The following PRKD1 variants were observed in gnomAD, a reference collection of about 807,000 sequenced individuals.
PRKD1 encodes protein kinase D1, also known as serine/threonine-protein kinase D1.
In PRKD1, 63 loss-of-function variants were observed where a neutral mutation model predicts 95.9. That is an observed-to-expected ratio of 0.66 (90% CI 0.54 to 0.81). The LOEUF (loss-of-function observed/expected upper bound fraction) is 0.81, where lower values mean the gene tolerates loss of function less well. PRKD1 is among the 30% of genes least tolerant of loss of function. The probability of loss-of-function intolerance (pLI) is 0.00; values close to 1 mark genes in which losing one functional copy is unlikely to be tolerated. For missense variants in PRKD1, 1,048 were observed against 1,165.3 expected, an observed-to-expected ratio of 0.90 and a Z score of 1.47; for synonymous variants, 425 against 423.1, an observed-to-expected ratio of 1.00 and a Z score of -0.05.
At chr14:29,736,884 A>T (rs1193140952) in intron 1 of PRKD1, among the ~76,000 whole-genome samples, 1 of 152,158 alleles carries the variant, frequency 6.6e-6, no homozygotes, top group African/African-American at 2.4e-5. Context: ...CTGAAATGTG[A>T]CCTGGCCAAC....
intron 1 of PRKD1, among the ~76,000 whole-genome samples, chr14:29,748,695 T>C (rs917654840): frequency 3.3e-5 from 5 of 152,178 alleles, no homozygotes; most frequent in Admixed American, 1.3e-4. Context: ...ACCTAGGACA[T>C]GCCAAGCACA....
At chr14:29,891,765 A>C (rs753360045) in intron 1 of PRKD1, among the ~76,000 whole-genome samples, 36 of 152,272 alleles carry the variant, frequency 2.4e-4, no homozygotes, top group Middle Eastern at 3.4e-3. Context: ...CTCACAGAAA[A>C]TATACGCTGC....
At chr14:29,616,354 G>A (rs541446077) in intron 13 of PRKD1, among the ~76,000 whole-genome samples, 1 of 150,968 alleles carries the variant, frequency 6.6e-6, no homozygotes, top group Non-Finnish European at 1.5e-5. Flanking sequence ...AAGAGGAGCA[G>A]AGCACAAATT....
At chr14:29,665,195 TA>T (rs1427652600) in intron 3 of PRKD1, among the ~76,000 whole-genome samples, 4 of 152,192 alleles carry the variant, frequency 2.6e-5, no homozygotes, top group Admixed American at 6.5e-5. Flanking sequence ...GGGCACAACA[TA>T]AGCAGATAGC....
intron 1 of PRKD1, among the ~76,000 whole-genome samples, chr14:29,863,190 A>T (rs1892768032): frequency 6.6e-6 from 1 of 152,202 alleles, no homozygotes; most frequent in Non-Finnish European, 1.5e-5. Flanking sequence ...AAAATTAAAC[A>T]GCTTATTTAT....
chr14:29,741,534 G>C (rs1013520606), intron 1 of PRKD1, among the ~76,000 whole-genome samples: 1 of 152,086 alleles, frequency 6.6e-6, no homozygotes, highest in East Asian at 1.9e-4. Flanking sequence ...ATATATGTTC[G>C]TTGTTGTTAT....
intron 1 of PRKD1, among the ~76,000 whole-genome samples, chr14:29,885,922 G>A (rs58763819): frequency 0.29 from 44,026 of 151,484 alleles, 6,494 homozygotes; most frequent in East Asian, 0.35. Context: ...AGCTAAGATC[G>A]TACCACCATG....
At chr14:29,696,111 C>G (rs1884501304) in intron 2 of PRKD1, among the ~76,000 whole-genome samples, 1 of 152,064 alleles carries the variant, frequency 6.6e-6, no homozygotes, top group Non-Finnish European at 1.5e-5. Context: ...GCATTTTCAG[C>G]AAATCGCATG....
chr14:29,918,905 A>G lies in PRKD1; in HGVS notation c.264+8344T>C, dbSNP rs759032502. 3.3e-5 allele frequency among the ~76,000 whole-genome samples: 5 copies of G among 152,332 alleles called. 1 individual carries two copies. In the South Asian group the frequency reaches 1.0e-3, roughly 32 times the overall value. On this transcript the variant is annotated intron_variant, in intron 1 of 17. Coordinates refer to ENST00000331968, the MANE Select transcript of PRKD1 (RefSeq NM_002742.3). ...GAAAAAATCAAACTAATTATCAACA[A>G]CACCATATATTATGCACATTCATAC...
At chr14:29,826,661 G>GTA (rs1373874721) in intron 1 of PRKD1, among the ~76,000 whole-genome samples, 4 of 29,290 alleles carry the variant, frequency 1.4e-4, no homozygotes, top group African/African-American at 2.0e-4. Context: ...ATGTGTGTGT[G>GTA]TGTATATATG....
At chr14:29,910,220 T>C (rs1026243598) in intron 1 of PRKD1, among the ~76,000 whole-genome samples, 6 of 152,046 alleles carry the variant, frequency 3.9e-5, no homozygotes, top group African/African-American at 1.4e-4. Flanking sequence ...CTGGGAGGAA[T>C]GAACAACTCC....
intron 13 of PRKD1, among the ~76,000 whole-genome samples, chr14:29,611,655 A>G (rs755196869): frequency 1.3e-5 from 2 of 151,176 alleles, no homozygotes; most frequent in African/African-American, 2.4e-5. Context: ...TGTTACAGAC[A>G]TTCTGTTCTT....
At chr14:29,766,636 C>G (rs1734076872) in intron 1 of PRKD1, among the ~76,000 whole-genome samples, 1 of 152,092 alleles carries the variant, frequency 6.6e-6, no homozygotes, top group Non-Finnish European at 1.5e-5. Flanking sequence ...TCCAATGGAC[C>G]TAAATTTTGA....
intron 10 of PRKD1, among the ~76,000 whole-genome samples, chr14:29,629,776 C>A (rs1015310428): frequency 6.6e-6 from 1 of 152,136 alleles, no homozygotes. Flanking sequence ...GAGAATTCTT[C>A]CTGGGATAAA....
At chr14:29,824,803 G>A (rs1483826638) in intron 1 of PRKD1, among the ~76,000 whole-genome samples, 1 of 152,030 alleles carries the variant, frequency 6.6e-6, no homozygotes, top group Non-Finnish European at 1.5e-5. Context: ...AAATCTCTAG[G>A]TATATCCTTG....
intron 1 of PRKD1, among the ~76,000 whole-genome samples, chr14:29,881,467 G>A (rs1264415686): frequency 6.6e-6 from 1 of 151,962 alleles, no homozygotes; most frequent in African/African-American, 2.4e-5. Flanking sequence ...CGTGAAAATG[G>A]ACTAACACAC....
At chr14:29,660,457 C>T (rs1288045226) in intron 4 of PRKD1, among the ~76,000 whole-genome samples, 1 of 152,178 alleles carries the variant, frequency 6.6e-6, no homozygotes, top group African/African-American at 2.4e-5. Context: ...GTACTGACCT[C>T]TCTGTGATTG....
intron 1 of PRKD1, among the ~76,000 whole-genome samples, chr14:29,731,805 A>G (rs1296268855): frequency 1.1e-4 from 17 of 151,914 alleles, no homozygotes; most frequent in Admixed American, 1.1e-3. Context: ...GTGTCTTTAT[A>G]AAGTTGTTGT....
intron 2 of PRKD1, among the ~76,000 whole-genome samples, chr14:29,711,261 G>A (rs1396527858): frequency 6.6e-6 from 1 of 152,046 alleles, no homozygotes; most frequent in Non-Finnish European, 1.5e-5. Flanking sequence ...ATTCTAAAGA[G>A]TAAGAGAGGC....
Sources: allele counts gnomAD v4.1 joint callset (sites outside exome capture counted in the v4.1 genomes callset), GRCh38; gene constraint gnomAD v4.1.1; transcripts MANE v1.5; gene names NCBI Gene and HGNC (gene_info 2026-07-23, HGNC 2026-07-21).